The following BTBD9 variants were observed in gnomAD, a reference collection of about 807,000 sequenced individuals.
The protein encoded by BTBD9 is BTB domain containing 9.
BTBD9 carries 49 observed loss-of-function variants against 64.3 expected under a neutral mutation model. The observed-to-expected ratio is 0.76, with a 90% CI of 0.61 to 0.97. BTBD9 has a LOEUF of 0.97. BTBD9 is among the 50% of genes least tolerant of loss of function. BTBD9 has a pLI of 0.00. For missense variants in BTBD9, 598 were observed against 762.1 expected (o/e 0.78, Z 2.53); for synonymous variants, 260 against 274.7 (o/e 0.95, Z 0.53).
At chr6:38,207,641 A>T (rs1397560701) in intron 9 of BTBD9, among the ~76,000 whole-genome samples, 1 of 152,118 alleles carries the variant, frequency 6.6e-6, no homozygotes, top group Non-Finnish European at 1.5e-5. Flanking sequence ...CAAACAAACA[A>T]ACATTAAACA....
intron 7 of BTBD9, among the ~76,000 whole-genome samples, chr6:38,297,475 A>G (rs1334852651): frequency 6.6e-6 from 1 of 152,184 alleles, no homozygotes; most frequent in Non-Finnish European, 1.5e-5. Flanking sequence ...CATGTACATC[A>G]TCTTAGAAAT....
In BTBD9 at chr6:38,321,809, C is replaced by T. The variant is rs747407945; in HGVS notation, c.1264+23175G>A. ...TTGCCTACTTTCTTTTTCATTCATTCCTTCTTGTTTTATACACACACACAC... is the reference window on the plus strand; with the variant it reads ...TTGCCTACTTTCTTTTTCATTCATTTCTTCTTGTTTTATACACACACACAC... On this transcript the variant is annotated intron_variant, in intron 7 of 10. Coordinates refer to ENST00000481247, the MANE Select transcript of BTBD9 (RefSeq NM_001099272.2). Among the ~76,000 whole-genome samples, 62 of 115,336 alleles carry T rather than the reference C, an allele frequency of 5.4e-4. 1 individual carries two copies. The highest frequency in any genetic ancestry group is 3.6e-4 in the South Asian group (1 of 2,808). The allele number at this position is 115,336 out of a possible 152,430, so 75.7% of individuals were successfully genotyped here.
chr6:38,570,020 T>C (rs905037333), intron 6 of BTBD9, among the ~76,000 whole-genome samples: 5 of 152,200 alleles, frequency 3.3e-5, no homozygotes, highest in Non-Finnish European at 7.4e-5. Flanking sequence ...AATGATCTTA[T>C]GGAGAACTAA....
chr6:38,352,896 TG>T (rs1411180785), intron 6 of BTBD9, among the ~76,000 whole-genome samples: 1 of 152,246 alleles, frequency 6.6e-6, no homozygotes, highest in Admixed American at 6.5e-5. Flanking sequence ...TACTGGGTGC[TG>T]GGATATGGGA....
chr6:38,632,122 C>T lies in BTBD9; in HGVS notation c.-28+7678G>A, dbSNP rs540860048. On this transcript the variant is annotated intron_variant, in intron 1 of 10. Coordinates refer to ENST00000481247, the MANE Select transcript of BTBD9 (RefSeq NM_001099272.2). ...CAGCCTGGGCAACAAGAGCAAAACT[C>T]CATCTCAAAAAAAAAAGTTTGTTGT... is the stretch of plus-strand genomic sequence containing the variant. Among the ~76,000 whole-genome samples, 177 of 152,024 alleles carry T rather than the reference C, an allele frequency of 1.2e-3. 2 individuals are homozygous for T. Among genetic ancestry groups the T allele is most frequent in the South Asian group, 8.9e-3 (43 of 4,814 alleles).
chr6:38,584,142 C>T (rs1776407956), intron 4 of BTBD9, among the ~76,000 whole-genome samples: 1 of 152,134 alleles, frequency 6.6e-6, no homozygotes, highest in African/African-American at 2.4e-5. Flanking sequence ...TCCTGGCCAA[C>T]ATGGCAAAAC....
intron 6 of BTBD9, among the ~76,000 whole-genome samples, chr6:38,511,397 C>T (rs1294108234): frequency 7.1e-6 from 1 of 141,564 alleles, no homozygotes; most frequent in Non-Finnish European, 1.5e-5. Flanking sequence ...GGCTGGAGTG[C>T]AGTGGCATGA....
rs113652663 is a variant in BTBD9 at position 38,563,816 on chromosome 6, C to T, written c.1154+13784G>A. Among the ~76,000 whole-genome samples, 1,102 of 131,550 alleles carry T rather than the reference C, an allele frequency of 8.4e-3. 15 individuals carry two copies. The highest frequency in any genetic ancestry group is 0.03 in the African/African-American group (1,042 of 34,436). The allele number at this position is 131,550 out of a possible 152,430, so 86.3% of individuals were successfully genotyped here. A position where few individuals can be genotyped will look rare whatever the true frequency, so the allele number is the denominator to read the frequency against. ...TTTTTTTTTGAGACGGAGTCCTGCTCTGTTGCCCAGGCCGGAGTGCAGTGG... is the reference window on the plus strand; with the variant it reads ...TTTTTTTTTGAGACGGAGTCCTGCTTTGTTGCCCAGGCCGGAGTGCAGTGG... On this transcript the variant is annotated intron_variant, in intron 6 of 10. Transcript: ENST00000481247.
chr6:38,287,443 G>A (rs1016934233), intron 8 of BTBD9, among the ~76,000 whole-genome samples: 3 of 151,210 alleles, frequency 2.0e-5, no homozygotes, highest in African/African-American at 4.9e-5. Context: ...CCGTGCCCAG[G>A]CACCATTTTT....
intron 6 of BTBD9, chr6:38,571,628 T>G (rs936563978): frequency 6.6e-6 from 1 of 152,180 alleles, no homozygotes; most frequent in African/African-American, 2.4e-5. Context: ...TAACATTCAA[T>G]GTACACCAAA....
intron 6 of BTBD9, among the ~76,000 whole-genome samples, chr6:38,486,001 G>A (rs1321841456): frequency 6.6e-6 from 1 of 152,206 alleles, no homozygotes; most frequent in Non-Finnish European, 1.5e-5. Flanking sequence ...TTCTACACAA[G>A]CAGCTGCTGC....
intron 6 of BTBD9, among the ~76,000 whole-genome samples, chr6:38,556,518 T>TGC (rs1300282774): frequency 1.2e-3 from 54 of 45,766 alleles, no homozygotes; most frequent in African/African-American, 6.2e-3. Context: ...TGTGTGTGTG[T>TGC]GTGTGTGTGT....
rs1159459101 is a variant in BTBD9, at chr6:38,172,866, G to A, written c.*2119C>T. On this transcript the variant is annotated 3_prime_UTR_variant, in exon 11 of 11. Coordinates refer to ENST00000481247, the MANE Select transcript of BTBD9 (RefSeq NM_001099272.2). ...TTCAGATGCGAGGCCGAGCTGCCAA[G>A]CTGCTATCTCGTTCCCGGAGCACAG... 6.6e-6 allele frequency: 1 copy of A among 152,336 alleles called. No individual in the cohort carries two copies. The highest frequency in any genetic ancestry group is 1.5e-5 in the Non-Finnish European group (1 of 68,120). The allele number at this position is 152,336 out of a possible 1,614,324, so 9.4% of individuals were successfully genotyped here.
chr6:38,375,089 G>A (rs1221244691), intron 6 of BTBD9, among the ~76,000 whole-genome samples: 10 of 152,150 alleles, frequency 6.6e-5, no homozygotes, highest in Non-Finnish European at 1.0e-4. Context: ...TAAAACCAGC[G>A]TTGAAGAAGT....
chr6:38,461,139 G>A (rs575546003), intron 6 of BTBD9, among the ~76,000 whole-genome samples: 1 of 152,194 alleles, frequency 6.6e-6, no homozygotes, highest in African/African-American at 2.4e-5. Context: ...CCTTCTTAAG[G>A]AGAGTGAAGC....
At chr6:38,418,067 T>A (rs978635357) in intron 6 of BTBD9, among the ~76,000 whole-genome samples, 12 of 121,478 alleles carry the variant, frequency 9.9e-5, no homozygotes, top group African/African-American at 3.6e-4. Flanking sequence ...GAATGCTTTT[T>A]TCTATCATCA....
intron 6 of BTBD9, among the ~76,000 whole-genome samples, chr6:38,576,057 T>C (rs1776014514): frequency 6.6e-6 from 1 of 152,338 alleles, no homozygotes; most frequent in Admixed American, 6.5e-5. Flanking sequence ...CTGGTATTAT[T>C]ATATTCATAA....
chr6:38,610,610 G>A (rs1055613533), intron 1 of BTBD9, among the ~76,000 whole-genome samples: 2 of 152,168 alleles, frequency 1.3e-5, no homozygotes, highest in Non-Finnish European at 2.9e-5. Context: ...ATCAGAAATG[G>A]AGAGGTGCTC....
chr6:38,239,876 G>C (rs1041293326), intron 9 of BTBD9, among the ~76,000 whole-genome samples: 1 of 152,188 alleles, frequency 6.6e-6, no homozygotes, highest in Admixed American at 6.5e-5. Context: ...TACATTTACA[G>C]AAACTGCAAG....
Sources: gnomAD v4.1 joint callset for allele counts (sites outside exome capture counted in the v4.1 genomes callset) on GRCh38, gnomAD v4.1.1 for gene constraint, MANE v1.5 for transcripts, NCBI Gene and HGNC (gene_info 2026-07-23, HGNC 2026-07-21) for gene names.